Variants in GPATCH8 observed in about 807,000 individuals in gnomAD.
GPATCH8 encodes the protein G patch domain-containing protein 8.
GPATCH8 carries 18 observed loss-of-function variants against 118.3 expected under a neutral mutation model. The observed-to-expected ratio is 0.15, with a 90% CI of 0.11 to 0.23. The LOEUF is 0.23. GPATCH8 is among the 10% of genes least tolerant of loss of function. GPATCH8 has a pLI of 1.00. For missense variants in GPATCH8, 1,631 were observed against 1,873.8 expected (o/e 0.87, Z 2.39); for synonymous variants, 659 against 684.7 (o/e 0.96, Z 0.59).
intron 6 of GPATCH8, among the ~76,000 whole-genome samples, chr17:44,423,218 C>T (rs933035390): frequency 2.0e-5 from 3 of 151,948 alleles, no homozygotes; most frequent in African/African-American, 4.8e-5. Context: ...CCAGCTTGGG[C>T]GAAAGAGCAA....
At chr17:44,408,681 A>G (rs2049320201) in intron 6 of GPATCH8, among the ~76,000 whole-genome samples, 1 of 152,202 alleles carries the variant, frequency 6.6e-6, no homozygotes, top group African/African-American at 2.4e-5. Flanking sequence ...CTTTCCATTC[A>G]GCAGCCACTC....
At chr17:44,457,170 T>A (rs2051368119) in intron 3 of GPATCH8, among the ~76,000 whole-genome samples, 1 of 152,100 alleles carries the variant, frequency 6.6e-6, no homozygotes, top group Non-Finnish European at 1.5e-5. Context: ...GCCCAAATTT[T>A]AAAAATATAG....
At chr17:44,453,536 C>A (rs943283290) in intron 3 of GPATCH8, among the ~76,000 whole-genome samples, 1 of 39,662 alleles carries the variant, frequency 2.5e-5, no homozygotes, top group Non-Finnish European at 6.1e-5. Flanking sequence ...TGTGTGCAGG[C>A]GCGCGTTTTG....
At chr17:44,419,128 T>C (rs1421339830) in intron 6 of GPATCH8, among the ~76,000 whole-genome samples, 1 of 152,216 alleles carries the variant, frequency 6.6e-6, no homozygotes, top group East Asian at 1.9e-4. Context: ...TATTTGTGCT[T>C]ATTAAAGAGA....
At chr17:44,436,907 C>T (rs1485286559) in intron 3 of GPATCH8, 1 of 240,718 alleles carries the variant, frequency 4.2e-6, no homozygotes, top group Non-Finnish European at 8.3e-6. Context: ...CTTTACTCTG[C>T]CCACTGATAT....
At chr17:44,473,171 G>A (rs1475827239) in intron 2 of GPATCH8, 2 of 144,358 alleles carry the variant, frequency 1.4e-5, no homozygotes, top group Non-Finnish European at 3.0e-5. Context: ...GTCTCGCTCT[G>A]TTGCCCAGGC....
chr17:44,449,970 T>G (rs1388786783), intron 3 of GPATCH8, among the ~76,000 whole-genome samples: 1 of 152,216 alleles, frequency 6.6e-6, no homozygotes, highest in Non-Finnish European at 1.5e-5. Context: ...AGTTTCTCAA[T>G]CTTTTAAGTG....
At chr17:44,408,193 T>C (rs1423040322) in intron 6 of GPATCH8, among the ~76,000 whole-genome samples, 2 of 150,038 alleles carry the variant, frequency 1.3e-5, no homozygotes, top group Non-Finnish European at 3.0e-5. Flanking sequence ...CATTTTCTCT[T>C]TTTTTTTTGA....
At chr17:44,447,280 T>A (rs1487629147) in intron 3 of GPATCH8, among the ~76,000 whole-genome samples, 1 of 151,830 alleles carries the variant, frequency 6.6e-6, no homozygotes, top group Non-Finnish European at 1.5e-5. Flanking sequence ...TCAGTCAGCC[T>A]CCTGAATAGC....
intron 3 of GPATCH8, among the ~76,000 whole-genome samples, chr17:44,441,715 C>T (rs1044247296): frequency 1.4e-5 from 2 of 144,030 alleles, no homozygotes; most frequent in Non-Finnish European, 3.0e-5. Flanking sequence ...CACAACGACA[C>T]TCCTTCCCCC....
rs1235505159 is a variant in GPATCH8, at chr17:44,396,201, G to A, written c.*1367C>T. On this transcript the variant is annotated 3_prime_UTR_variant, in exon 8 of 8. Coordinates refer to ENST00000591680, the MANE Select transcript of GPATCH8 (RefSeq NM_001002909.4). ...TACTAGGAAGGCAAATGGACTGACT[G>A]CCTGGAACAAGGTACCCAGGGAAAC... 1.3e-5 allele frequency: 6 copies of A among 454,340 alleles called. No homozygotes were observed. The highest frequency in any genetic ancestry group is 2.4e-5 in the Admixed American group (1 of 42,536). 28.1% of individuals were successfully genotyped at this position (454,340 alleles called of 1,614,324 possible).
intron 6 of GPATCH8, among the ~76,000 whole-genome samples, chr17:44,412,994 C>G (rs2049504441): frequency 1.3e-5 from 2 of 152,208 alleles, no homozygotes; most frequent in South Asian, 4.1e-4. Flanking sequence ...AAGAAGATAT[C>G]ACCAGGTGGT....
intron 1 of GPATCH8, among the ~76,000 whole-genome samples, chr17:44,478,178 T>G (rs1257112582): frequency 6.6e-6 from 1 of 152,224 alleles, no homozygotes; most frequent in Non-Finnish European, 1.5e-5. Flanking sequence ...GCATTTTAAT[T>G]TCTACTGCAA....
intron 1 of GPATCH8, among the ~76,000 whole-genome samples, chr17:44,482,168 A>G (rs1968305542): frequency 6.6e-6 from 1 of 151,672 alleles, no homozygotes; most frequent in African/African-American, 2.4e-5. Context: ...GAGCTGAACA[A>G]TGAGAACACA....
intron 5 of GPATCH8, among the ~76,000 whole-genome samples, chr17:44,426,927 A>T (rs564118997): frequency 1.6e-4 from 24 of 151,978 alleles, no homozygotes; most frequent in African/African-American, 5.1e-4. Context: ...TAAATACTAT[A>T]AGATATCTAA....
chr17:44,449,638 TC>T (rs1228996492), intron 3 of GPATCH8, among the ~76,000 whole-genome samples: 5 of 151,752 alleles, frequency 3.3e-5, no homozygotes, highest in Admixed American at 3.3e-4. Context: ...TGCCTCAGCC[TC>T]CCGAGTAGCT....
In GPATCH8 at chr17:44,400,328, A is replaced by G. The variant is rs1329811875; in HGVS notation, c.1749T>C (p.Asp583=). The G allele has an allele frequency of 6.2e-7, 1 of 1,614,054 alleles. No individual in the cohort carries two copies. The highest frequency in any genetic ancestry group is 2.2e-5 in the East Asian group (1 of 44,896). Residue 583 remains aspartate, a synonymous_variant, in exon 8 of 8, where the codon GAT becomes GAC. Coordinates refer to ENST00000591680, the MANE Select transcript of GPATCH8 (RefSeq NM_001002909.4). ...YFDFKLSRNK[D]ARTKGTEKPK... ...GTTTTTCTGTTCCTTTAGTTCTGGCATCTTTGTTCCTTGAAAGTTTAAAGT... is the reference window on the plus strand; with the variant it reads ...GTTTTTCTGTTCCTTTAGTTCTGGCGTCTTTGTTCCTTGAAAGTTTAAAGT...
chr17:44,440,308 A>G (rs1183076608), intron 3 of GPATCH8, among the ~76,000 whole-genome samples: 1 of 152,248 alleles, frequency 6.6e-6, no homozygotes, highest in Non-Finnish European at 1.5e-5. Flanking sequence ...AAGGGAAAGG[A>G]AACACATGCA....
chr17:44,402,717 T>TA lies in GPATCH8; in HGVS notation c.624-1265dup, dbSNP rs567078285. ...ACATAGAAACTTCCACTGTGCTACT[T>TA]ATGGCAGTCTGTGGTCAGCATGTCT... On this transcript the variant is annotated intron_variant, in intron 7 of 7. Transcript: ENST00000591680. Among the ~76,000 whole-genome samples the TA allele has an allele frequency of 1.2e-3, 179 of 152,342 alleles. 1 individual carries two copies. The highest frequency in any genetic ancestry group is 4.2e-3 in the African/African-American group (176 of 41,570).
Sources: allele counts gnomAD v4.1 joint callset (sites outside exome capture counted in the v4.1 genomes callset), GRCh38; gene constraint gnomAD v4.1.1; transcripts MANE v1.5; gene names NCBI Gene and HGNC (gene_info 2026-07-23, HGNC 2026-07-21).